Variants in RRP12 observed in about 807,000 individuals in gnomAD.
RRP12 encodes the protein ribosomal RNA processing 12 homolog.
RRP12 carries 78 observed loss-of-function variants against 157.3 expected under a neutral mutation model. That is an observed-to-expected ratio of 0.50 (90% CI 0.41 to 0.60). The LOEUF is 0.60. Among genes scored for constraint, RRP12 ranks in the 20% least tolerant of loss-of-function variants. RRP12 has a pLI of 0.00. For synonymous variants in RRP12, 726 were observed against 670.9 expected, an observed-to-expected ratio of 1.08 and a Z score of -1.27; for missense variants, 1,521 against 1,679.9, an observed-to-expected ratio of 0.91 and a Z score of 1.65.
At position 97,401,313 on chromosome 10, in the gene RRP12, C is replaced by T. The variant is rs1845143196; in HGVS notation, c.-82G>A. 6.5e-6 allele frequency: 10 copies of T among 1,539,062 alleles called. No individual in the cohort carries two copies. The highest frequency in any genetic ancestry group is 8.9e-7 in the Non-Finnish European group (1 of 1,124,342). ...AACACGCTCAGAACCCACGTGGATACCCTGTAGCCTTCACTTCCTCTTCTT... is the reference window on the plus strand; with the variant it reads ...AACACGCTCAGAACCCACGTGGATATCCTGTAGCCTTCACTTCCTCTTCTT... On this transcript the variant is annotated 5_prime_UTR_variant, in exon 1 of 34. Transcript: ENST00000370992.
chr10:97,373,276 A>G (rs1226976122), intron 17 of RRP12, 76 bp from the exon 18 acceptor site: 11 of 1,478,512 alleles, frequency 7.4e-6, no homozygotes, highest in Non-Finnish European at 9.3e-6. Flanking sequence ...GCTGTGGCCC[A>G]GAGGCCCTCT....
intron 6 of RRP12, among the ~76,000 whole-genome samples, chr10:97,389,567 C>T (rs1381915698): frequency 6.6e-6 from 1 of 152,094 alleles, no homozygotes; most frequent in Non-Finnish European, 1.5e-5. Context: ...GTTATTGTTA[C>T]CACCTCCTGC....
In RRP12 at chr10:97,379,225, A is replaced by G. The variant is rs564729457; in HGVS notation, c.1798+68T>C. 1.2e-4 allele frequency: 190 copies of G among 1,575,604 alleles called. No individual in the cohort carries two copies. In the Admixed American group the frequency reaches 2.0e-3, roughly 16 times the overall value. ...TGTGTGGGACTCAGCACCCTTCCCAATCCCTTCTGTGGAGGTTCCAGGACT... is the reference window on the plus strand; with the variant it reads ...TGTGTGGGACTCAGCACCCTTCCCAGTCCCTTCTGTGGAGGTTCCAGGACT... On this transcript the variant is annotated intron_variant, in intron 15 of 33. Coordinates refer to ENST00000370992, the MANE Select transcript of RRP12 (RefSeq NM_015179.4).
At chr10:97,383,434 G>A (rs1441158638) in intron 10 of RRP12, among the ~76,000 whole-genome samples, 3 of 152,180 alleles carry the variant, frequency 2.0e-5, no homozygotes, top group Non-Finnish European at 4.4e-5. Flanking sequence ...GGGTTGCTGT[G>A]ACTAGTGAAA....
chr10:97,357,178 C>T lies in RRP12; in HGVS notation c.3810G>A (p.Gln1270=). 2 of 1,610,398 alleles carry T rather than the reference C, an allele frequency of 1.2e-6. No individual in the cohort carries two copies. The highest frequency in any genetic ancestry group is 2.2e-5 in the South Asian group (2 of 90,724). ...KLNRRKKMKL[Q]GQFKGLVKAA... is the part of the protein sequence containing the mutation. ...CCTTCACCAGGCCTTTGAACTGTCC[C>T]TGCAGCTTCATCTTCTTCCTGCAGG... The change falls in exon 34 of 34, where the codon CAG becomes CAA. Residue 1270 remains glutamine (Q), a synonymous_variant. Transcript: ENST00000370992.
In RRP12 at chr10:97,379,727, G is replaced by C; in HGVS notation, c.1577C>G (p.Pro526Arg). Residue 526 changes from proline to arginine, a missense_variant, in exon 14 of 34, where the codon CCC (proline) becomes CGC (arginine). Coordinates refer to ENST00000370992, the MANE Select transcript of RRP12 (RefSeq NM_015179.4). Reference protein sequence around the residue: ...LCDLRLSPHFPHTAALDQAVG... With the variant: ...LCDLRLSPHFRHTAALDQAVG... ...TGCCTGGTCAAGAGCCGCCGTGTGGGGGAAATGAGGGGAGAGGCGCAGGTC... is the reference window on the plus strand; with the variant it reads ...TGCCTGGTCAAGAGCCGCCGTGTGGCGGAAATGAGGGGAGAGGCGCAGGTC... 1.2e-6 allele frequency: 2 copies of C among 1,613,794 alleles called. No individual in the cohort carries two copies. Among genetic ancestry groups the C allele is most frequent in the African/African-American group, 1.3e-5 (1 of 75,022 alleles).
At chr10:97,399,228 GTGCCAT>G (rs1384155111) in intron 2 of RRP12, among the ~76,000 whole-genome samples, 1 of 152,182 alleles carries the variant, frequency 6.6e-6, no homozygotes, top group Non-Finnish European at 1.5e-5. Flanking sequence ...AGCCGAGATC[GTGCCAT>G]TGCACTCTAG....
At chr10:97,367,542 T>C (rs1197400871) in intron 25 of RRP12, among the ~76,000 whole-genome samples, 1 of 152,226 alleles carries the variant, frequency 6.6e-6, no homozygotes, top group Non-Finnish European at 1.5e-5. Context: ...ACTCATCTAA[T>C]GCTGCGGCTC....
intron 2 of RRP12, among the ~76,000 whole-genome samples, 182 bp downstream of exon 2, chr10:97,400,123 A>G (rs1467195483): frequency 6.6e-6 from 1 of 152,148 alleles, no homozygotes; most frequent in Non-Finnish European, 1.5e-5. Context: ...AGCAGAGGAG[A>G]TGTTCTTATA....
At chr10:97,378,774 T>C (rs1157563092) in intron 15 of RRP12, among the ~76,000 whole-genome samples, 1 of 152,066 alleles carries the variant, frequency 6.6e-6, no homozygotes, top group African/African-American at 2.4e-5. Context: ...GGAGAATCAC[T>C]TGAACCCGGA....
At position 97,400,450 on chromosome 10, in the gene RRP12, G is replaced by C. The variant is rs1374579832; in HGVS notation, c.224C>G (p.Pro75Arg). ...CGCCTCTTCTTCCATGGGCGTCTCC[G>C]GGGCTTCGCTTTTGCCCAAGCGCAA... ...GSLRLGKSEAPETPMEEEAEL... is the reference protein window; with the variant it reads ...GSLRLGKSEARETPMEEEAEL... The change falls in exon 2 of 34, where the codon CCG becomes CGG. Residue 75 changes from proline to arginine, a missense_variant. Transcript: ENST00000370992. 13 of 1,614,096 alleles carry C rather than the reference G, an allele frequency of 8.1e-6. No homozygotes were observed. In the East Asian group the frequency reaches 1.1e-4, roughly 14 times the overall value.
chr10:97,398,028 TATATATACGTA>T (rs1564772533), intron 2 of RRP12, among the ~76,000 whole-genome samples: 3 of 97,434 alleles, frequency 3.1e-5, no homozygotes, highest in African/African-American at 4.5e-5. Flanking sequence ...TATATGTATA[TATATATACGTA>T]TTTTTTTTTT....
chr10:97,371,882 T>G, intron 20 of RRP12, 191 bp downstream of exon 20: 1 of 545,400 alleles, frequency 1.8e-6, no homozygotes, highest in Non-Finnish European at 3.3e-6. Flanking sequence ...GCTGTGCATT[T>G]CAGTCCCTTT....
rs1428350302 is a variant in RRP12 at position 97,381,472 on chromosome 10, C to T, written c.1332G>A (p.Lys444=). 8.1e-6 allele frequency: 13 copies of T among 1,611,584 alleles called. No homozygotes were observed. Among genetic ancestry groups the T allele is most frequent in the Non-Finnish European group, 2.5e-6 (3 of 1,178,970 alleles). Residue 444 remains lysine, a synonymous_variant, in exon 12 of 34, where the codon AAG becomes AAA. Coordinates refer to ENST00000370992, the MANE Select transcript of RRP12 (RefSeq NM_015179.4). ...AATQSLKEIL[K]ECVAPHMADI... ...CAGCCATGTGGGGAGCCACGCATTC[C>T]TTCAGGATCTCCTGCGAAGAGAGGC... is the stretch of plus-strand genomic sequence containing the variant.
rs778988445 is a variant in RRP12 at position 97,366,635 on chromosome 10, G to GC, written c.3216-15dup. 4 of 1,606,510 alleles carry GC rather than the reference G, an allele frequency of 2.5e-6. No homozygotes were observed. The highest frequency in any genetic ancestry group is 3.4e-5 in the Admixed American group (2 of 59,498). On this transcript the variant is annotated splice_polypyrimidine_tract_variant and intron_variant, in intron 27 of 33. Coordinates refer to ENST00000370992, the MANE Select transcript of RRP12 (RefSeq NM_015179.4). Reference sequence around the variant, plus strand: ...ATCTCCTCAATGCTAAGGACAAAAAGCCCCCAGTCAGAGTGCTCCCAGGAG... The same window carrying GC: ...ATCTCCTCAATGCTAAGGACAAAAAGCCCCCCAGTCAGAGTGCTCCCAGGAG...
intron 33 of RRP12, among the ~76,000 whole-genome samples, chr10:97,358,107 T>C (rs1843756819): frequency 6.6e-6 from 1 of 151,880 alleles, no homozygotes; most frequent in Non-Finnish European, 1.5e-5. Flanking sequence ...GGCTGAGGCA[T>C]GCAGATCATG....
intron 12 of RRP12, 64 bp downstream of exon 12, chr10:97,381,322 G>C (rs568363685): frequency 8.4e-7 from 1 of 1,191,238 alleles, no homozygotes; most frequent in African/African-American, 1.5e-5. Flanking sequence ...TGGAGCATTC[G>C]TATTATATAG....
chr10:97,366,118 T>C lies in RRP12; in HGVS notation c.3507A>G (p.Glu1169=), dbSNP rs1336104963. The part of the protein sequence containing the change: ...EADGNKMEEE[E]GAKGEDEEMA... ...GCGCGTTGGGCCCACCTTTGGCACCTTCCTCTTCCTCCATCTTGTTGCCGT... is the reference window on the plus strand; with the variant it reads ...GCGCGTTGGGCCCACCTTTGGCACCCTCCTCTTCCTCCATCTTGTTGCCGT... Residue 1169 remains glutamate, a synonymous_variant, in exon 29 of 34, where the codon GAA becomes GAG. Transcript: ENST00000370992. 2 of 1,603,656 alleles carry C rather than the reference T, an allele frequency of 1.2e-6. No individual in the cohort carries two copies. The highest frequency in any genetic ancestry group is 8.5e-7 in the Non-Finnish European group (1 of 1,179,900).
In RRP12 at chr10:97,366,205, C is replaced by T; in HGVS notation, c.3420G>A (p.Arg1140=). The T allele has an allele frequency of 6.2e-7, 1 of 1,611,612 alleles. No individual in the cohort carries two copies. The change falls in exon 29 of 34, where the codon AGG becomes AGA. Residue 1140 remains arginine, a synonymous_variant. Coordinates refer to ENST00000370992, the MANE Select transcript of RRP12 (RefSeq NM_015179.4). The part of the protein sequence containing the change: ...LATQPGPGRG[R]KKDHGFKVSA... ...TCACCTTGAAGCCGTGGTCCTTCTT[C>T]CTGCCCCGGCCTGGCCCTGGCTGCG...
Sources: allele counts gnomAD v4.1 joint callset (sites outside exome capture counted in the v4.1 genomes callset), GRCh38; gene constraint gnomAD v4.1.1; transcripts MANE v1.5; gene names NCBI Gene and HGNC (gene_info 2026-07-23, HGNC 2026-07-21).